Variants in DACH2 observed in about 807,000 individuals in gnomAD.
DACH2 encodes dachshund family transcription factor 2, also known as dachshund homolog 2.
DACH2 carries 17 observed loss-of-function variants against 35.8 expected under a neutral mutation model. That is an observed-to-expected ratio of 0.48 (90% confidence interval 0.33 to 0.71). DACH2 has a LOEUF of 0.71. DACH2 is among the 30% of genes least tolerant of loss of function. The probability of loss-of-function intolerance (pLI) is 0.02; values close to 1 mark genes in which losing one functional copy is unlikely to be tolerated. For synonymous variants in DACH2, 195 were observed against 177.3 expected (o/e 1.10, Z -0.79); for missense variants, 469 against 472.7 (o/e 0.99, Z 0.07).
intron 1 of DACH2, among the ~76,000 whole-genome samples, chrX:86,174,478 T>C (rs906145241): frequency 9.0e-6 from 1 of 110,768 alleles, no homozygotes; most frequent in African/African-American, 3.3e-5. Flanking sequence ...TCTCAGATAC[T>C]ATGGTTGATG....
chrX:86,616,849 C>A (rs1392986988), intron 3 of DACH2, among the ~76,000 whole-genome samples: 1 of 111,875 alleles, frequency 8.9e-6, no homozygotes, highest in South Asian at 3.7e-4. Flanking sequence ...ATTTCTATGT[C>A]CACAATGGTA....
chrX:86,507,083 C>T (rs1200733346), intron 2 of DACH2, among the ~76,000 whole-genome samples: 1 of 111,907 alleles, frequency 8.9e-6, no homozygotes, highest in East Asian at 2.8e-4. Context: ...AAACTGCCTT[C>T]TGAGTTTATT....
chrX:86,736,408 A>G (rs752545981), intron 6 of DACH2, among the ~76,000 whole-genome samples: 199 of 111,705 alleles, frequency 1.8e-3, no homozygotes, highest in Non-Finnish European at 2.8e-3. Flanking sequence ...ATTGTTTTAC[A>G]TAATATGCTG....
intron 1 of DACH2, among the ~76,000 whole-genome samples, chrX:86,328,725 A>G (rs781466231): frequency 9.9e-4 from 111 of 111,806 alleles, no homozygotes; most frequent in African/African-American, 3.5e-3. Flanking sequence ...CCTAGATTTC[A>G]AGTCATTCAC....
At chrX:86,262,304 A>C (rs1294465014) in intron 1 of DACH2, among the ~76,000 whole-genome samples, 1 of 111,212 alleles carries the variant, frequency 9.0e-6, no homozygotes, top group Non-Finnish European at 1.9e-5. Context: ...AAACAAAACA[A>C]ACAAACAAAA....
intron 6 of DACH2, among the ~76,000 whole-genome samples, chrX:86,715,242 A>G (rs150373272): frequency 0.022 from 2,468 of 111,576 alleles, 33 homozygotes; most frequent in Non-Finnish European, 0.036. Flanking sequence ...TGCTTATTTC[A>G]TGGGCTGTCT....
At chrX:86,359,085 G>A (rs4828379) in intron 1 of DACH2, among the ~76,000 whole-genome samples, 41 of 10,941 alleles carry the variant, frequency 3.7e-3, no homozygotes, top group South Asian at 0.017. Context: ...ATATTTTGTC[G>A]TGTGTGTGTG....
intron 1 of DACH2, among the ~76,000 whole-genome samples, chrX:86,343,275 G>A (rs1156254695): frequency 9.0e-6 from 1 of 111,715 alleles, no homozygotes; most frequent in South Asian, 3.7e-4. Flanking sequence ...CTGGTGGAGA[G>A]ATGTTTAATT....
At chrX:86,686,638 G>A (rs763170685) in intron 4 of DACH2, among the ~76,000 whole-genome samples, 1 of 111,863 alleles carries the variant, frequency 8.9e-6, no homozygotes, top group South Asian at 3.7e-4. Context: ...GAGTGAATAA[G>A]ATTATCATTT....
At chrX:86,438,199 C>A (rs977033986) in intron 2 of DACH2, among the ~76,000 whole-genome samples, 8 of 104,180 alleles carry the variant, frequency 7.7e-5, no homozygotes, top group African/African-American at 2.8e-4. Context: ...CATGTTTCTG[C>A]AAAGGACATG....
At chrX:86,532,542 C>T (rs754449626) in intron 3 of DACH2, among the ~76,000 whole-genome samples, 1 of 109,711 alleles carries the variant, frequency 9.1e-6, no homozygotes, top group African/African-American at 3.3e-5. Context: ...ATGTGCCTTG[C>T]TTCTCCTTCA....
At chrX:86,584,606 C>G (rs187280544) in intron 3 of DACH2, among the ~76,000 whole-genome samples, 10 of 111,075 alleles carry the variant, frequency 9.0e-5, no homozygotes, top group Non-Finnish European at 1.7e-4. Flanking sequence ...TACTTTGGCT[C>G]TCAGCACTGC....
chrX:86,759,335 G>T (rs912101959), intron 7 of DACH2, among the ~76,000 whole-genome samples: 9 of 111,508 alleles, frequency 8.1e-5, no homozygotes, highest in Non-Finnish European at 1.3e-4. Flanking sequence ...AAACATGTTT[G>T]CTGAACTTAT....
At chrX:86,713,722 C>T (rs1238027071) in intron 5 of DACH2, among the ~76,000 whole-genome samples, 1 of 111,460 alleles carries the variant, frequency 9.0e-6, no homozygotes, top group African/African-American at 3.3e-5. Context: ...CTCCTTTCCT[C>T]CTACAAATTT....
chrX:86,339,659 C>T (rs1345576868), intron 1 of DACH2, among the ~76,000 whole-genome samples: 1 of 111,511 alleles, frequency 9.0e-6, no homozygotes, highest in East Asian at 2.8e-4. Flanking sequence ...ATGTATTTCC[C>T]AACTCTGGCT....
At chrX:86,359,975 T>C (rs1231625308) in intron 1 of DACH2, among the ~76,000 whole-genome samples, 1 of 109,613 alleles carries the variant, frequency 9.1e-6, no homozygotes. Context: ...CTTGACCTCC[T>C]GGGCTCTAGC....
chrX:86,756,473 GTTTT>G (rs200159073), intron 7 of DACH2, among the ~76,000 whole-genome samples: 1 of 96,865 alleles, frequency 1.0e-5, no homozygotes, highest in Non-Finnish European at 2.1e-5. Flanking sequence ...TTACTCCTAG[GTTTT>G]TTTTTTTTTT....
At chrX:86,451,697 G>A (rs4828387) in intron 2 of DACH2, among the ~76,000 whole-genome samples, 1 of 110,345 alleles carries the variant, frequency 9.1e-6, no homozygotes, top group South Asian at 3.8e-4. Context: ...GAAGATGGAA[G>A]GTTTTTCCAT....
At position 86,625,209 on chromosome X, in the gene DACH2, A is replaced by AGTGTGT. The variant is rs72281959; in HGVS notation, c.641-25782_641-25777dup. On this transcript the variant is annotated intron_variant, in intron 3 of 11. Transcript: ENST00000373125. ...CATATCTCTATACAAAAACCTTCTT[A>AGTGTGT]GTGTGTGTGTGTGTGTGTGTGTGTG... is the stretch of plus-strand genomic sequence containing the variant. Among the ~76,000 whole-genome samples, 144 of 85,498 alleles carry AGTGTGT rather than the reference A, an allele frequency of 1.7e-3. 3 individuals are homozygous for AGTGTGT. Among genetic ancestry groups the AGTGTGT allele is most frequent in the East Asian group, 6.6e-3 (18 of 2,714 alleles). The allele number at this position is 85,498 out of a possible 115,157, so 74.2% of individuals were successfully genotyped here. A position where few individuals can be genotyped will look rare whatever the true frequency, so the allele number is the denominator to read the frequency against.
Sources: allele counts gnomAD v4.1 joint callset (sites outside exome capture counted in the v4.1 genomes callset), GRCh38; gene constraint gnomAD v4.1.1; transcripts MANE v1.5; gene names NCBI Gene and HGNC (gene_info 2026-07-23, HGNC 2026-07-21).